The following RIPOR2 variants were observed in gnomAD, a reference collection of about 807,000 sequenced individuals.
RIPOR2 encodes the protein rho family-interacting cell polarization regulator 2.
In RIPOR2, 39 loss-of-function variants were observed where a neutral mutation model predicts 114.5. That is an observed-to-expected ratio of 0.34 (90% CI 0.26 to 0.44). The LOEUF (loss-of-function observed/expected upper bound fraction) is 0.44. Ranked by LOEUF, RIPOR2 falls within the 20% of genes least tolerant of loss-of-function variation. The probability of loss-of-function intolerance (pLI) is 1.00; values close to 1 mark genes in which losing one functional copy is unlikely to be tolerated. For missense variants in RIPOR2, 1,007 were observed against 1,255.1 expected, an observed-to-expected ratio of 0.80 and a Z score of 2.99; for synonymous variants, 445 against 484.4, an observed-to-expected ratio of 0.92 and a Z score of 1.07.
intron 1 of RIPOR2, chr6:25,031,042 A>G (rs548895835): frequency 6.6e-6 from 1 of 152,306 alleles, no homozygotes; most frequent in South Asian, 2.1e-4. Flanking sequence ...TGTAGTGGCT[A>G]TTCACAAGCA....
At chr6:24,836,164 AT>A (rs763168057) in intron 14 of RIPOR2, 2 of 357,920 alleles carry the variant, frequency 5.6e-6, no homozygotes, top group Non-Finnish European at 1.1e-5. Flanking sequence ...ACATGCCCTC[AT>A]TTTGAATGTG....
intron 1 of RIPOR2, among the ~76,000 whole-genome samples, chr6:25,032,098 G>T (rs576421820): frequency 6.6e-6 from 1 of 151,338 alleles, no homozygotes; most frequent in East Asian, 2.0e-4. Flanking sequence ...GAGGGGAAGA[G>T]CTGAGCTCTT....
chr6:25,031,219 A>T (rs866838982), intron 1 of RIPOR2: 7 of 152,062 alleles, frequency 4.6e-5, no homozygotes, highest in African/African-American at 1.7e-4. Flanking sequence ...ATACCCCAGA[A>T]CTCCTGGGCT....
At chr6:24,948,218 T>C (rs2114194100) in intron 1 of RIPOR2, 1 of 152,342 alleles carries the variant, frequency 6.6e-6, no homozygotes, top group South Asian at 2.1e-4. Context: ...TCTTCGATTC[T>C]TATATAGTCC....
intron 12 of RIPOR2, among the ~76,000 whole-genome samples, chr6:24,844,872 G>C (rs185942708): frequency 1.0e-3 from 154 of 152,064 alleles, no homozygotes; most frequent in African/African-American, 3.6e-3. Flanking sequence ...TATAGAAACT[G>C]ACAAATTCTC....
chr6:24,953,626 A>G (rs1772887764), intron 1 of RIPOR2, among the ~76,000 whole-genome samples: 1 of 152,174 alleles, frequency 6.6e-6, no homozygotes, highest in Non-Finnish European at 1.5e-5. Flanking sequence ...CCTTTCCCTC[A>G]TCCTTCTCTG....
chr6:24,960,010 C>T (rs1773230495), intron 1 of RIPOR2, among the ~76,000 whole-genome samples: 1 of 152,298 alleles, frequency 6.6e-6, no homozygotes, highest in Admixed American at 6.5e-5. Context: ...ACCTCCTTCT[C>T]TAAGTCTAAA....
At chr6:24,927,152 C>CCATCACCATCACTACCACCAG (rs1770950313) in intron 1 of RIPOR2, among the ~76,000 whole-genome samples, 3 of 111,846 alleles carry the variant, frequency 2.7e-5, no homozygotes, top group Admixed American at 9.2e-5. Context: ...ACCACCACCA[C>CCATCACCATCACTACCACCAG]CACCACCACA....
At chr6:24,998,492 G>C (rs1775144788) in intron 1 of RIPOR2, among the ~76,000 whole-genome samples, 1 of 152,052 alleles carries the variant, frequency 6.6e-6, no homozygotes, top group African/African-American at 2.4e-5. Flanking sequence ...AAAAAATCTA[G>C]CATCCCAAAT....
chr6:24,843,467 C>T lies in RIPOR2; in HGVS notation c.1252G>A (p.Gly418Arg), dbSNP rs777868078. ...GAGTGGGAGGTGAGGGCGCAGTCCC[C>T]GTTGGGCAGGTCACTGAAGCTGAGC... is the stretch of plus-strand genomic sequence containing the variant. ...LSLSFSDLPN[G>R]DCALTSHSTG... The change falls in exon 13 of 22, where the codon GGG (glycine) becomes AGG (arginine). Residue 418 changes from glycine to arginine, a missense_variant. Coordinates refer to ENST00000643898, the MANE Select transcript of RIPOR2 (RefSeq NM_001286445.3). 14 of 1,600,558 alleles carry T rather than the reference C, an allele frequency of 8.7e-6. No individual in the cohort carries two copies. In the Admixed American group the frequency reaches 1.5e-4, roughly 17 times the overall value.
intron 12 of RIPOR2, chr6:24,847,774 G>T (rs1459364175): frequency 1.8e-5 from 25 of 1,381,678 alleles, no homozygotes; most frequent in Non-Finnish European, 2.3e-5. Context: ...AAGCATTTTT[G>T]ATTAAAACAA....
intron 1 of RIPOR2, among the ~76,000 whole-genome samples, chr6:24,884,435 A>C (rs1462115659): frequency 1.3e-5 from 2 of 152,184 alleles, no homozygotes; most frequent in Non-Finnish European, 2.9e-5. Flanking sequence ...AAAAATAAAT[A>C]AATTAAGAAA....
At chr6:24,850,420 T>A (rs888675372) in intron 10 of RIPOR2, among the ~76,000 whole-genome samples, 177 bp downstream of exon 10, 6 of 152,028 alleles carry the variant, frequency 3.9e-5, no homozygotes, top group African/African-American at 1.4e-4. Flanking sequence ...ATTTCAAAAG[T>A]GTATCTTAGA....
chr6:24,936,952 T>C (rs1771842817), upstream of RIPOR2, among the ~76,000 whole-genome samples: 1 of 152,178 alleles, frequency 6.6e-6, no homozygotes, highest in Non-Finnish European at 1.5e-5. Context: ...TTGAAGATAC[T>C]CCCAGTGTTA....
intron 17 of RIPOR2, among the ~76,000 whole-genome samples, chr6:24,829,857 GA>G (rs1213233419): frequency 6.6e-6 from 1 of 152,152 alleles, no homozygotes; most frequent in Non-Finnish European, 1.5e-5. Context: ...AGCTTTAGTA[GA>G]AACTGCCAAA....
chr6:24,857,323 A>T (rs915242427), intron 8 of RIPOR2, among the ~76,000 whole-genome samples: 4 of 152,120 alleles, frequency 2.6e-5, no homozygotes, highest in Non-Finnish European at 4.4e-5. Context: ...TAGAAAGCTT[A>T]ATGAAAGCTT....
intron 1 of RIPOR2, among the ~76,000 whole-genome samples, chr6:24,916,035 T>C (rs1235263665): frequency 6.6e-6 from 1 of 152,244 alleles, no homozygotes; most frequent in Non-Finnish European, 1.5e-5. Flanking sequence ...AGTAGAGAAC[T>C]CAGTGGCCTT....
At chr6:24,909,578 T>A (rs79553461) in intron 1 of RIPOR2, among the ~76,000 whole-genome samples, 3,901 of 152,100 alleles carry the variant, frequency 0.026, 163 homozygotes, top group African/African-American at 0.083. Flanking sequence ...AATGATTGTG[T>A]GTCAGCTAAC....
intron 1 of RIPOR2, among the ~76,000 whole-genome samples, chr6:24,955,728 G>C (rs1581870442): frequency 1.3e-5 from 2 of 151,106 alleles, no homozygotes; most frequent in East Asian, 3.9e-4. Context: ...TTACAAGCCT[G>C]GTGCAGTGGC....
Sources: gnomAD v4.1 joint callset for allele counts (sites outside exome capture counted in the v4.1 genomes callset) on GRCh38, gnomAD v4.1.1 for gene constraint, MANE v1.5 for transcripts, NCBI Gene and HGNC (gene_info 2026-07-23, HGNC 2026-07-21) for gene names.